BPIFC: variants seen among roughly 807,000 people sequenced by gnomAD.
The protein encoded by BPIFC is BPI fold containing family C, also known as BPI fold-containing family C protein.
A neutral mutation model predicts 57.6 loss-of-function variants in BPIFC; 60 were observed. The observed-to-expected ratio is 1.04, with a 90% CI of 0.85 to 1.29. BPIFC has a LOEUF of 1.29. Ranked by LOEUF, BPIFC falls within the 50% of genes most tolerant of loss-of-function variation. The pLI is 0.00. For synonymous variants in BPIFC, 243 were observed against 224.5 expected (o/e 1.08, Z -0.74); for missense variants, 581 against 600.5 (o/e 0.97, Z 0.34).
intron 14 of BPIFC, among the ~76,000 whole-genome samples, chr22:32,418,343 G>A (rs1933743765): frequency 6.6e-6 from 1 of 152,122 alleles, no homozygotes; most frequent in Non-Finnish European, 1.5e-5. Flanking sequence ...ACACACATAA[G>A]CACAGTCACA....
chr22:32,447,420 A>C, intron 4 of BPIFC, 80 bp from the exon 5 acceptor site: 1 of 1,522,364 alleles, frequency 6.6e-7, no homozygotes, highest in South Asian at 1.3e-5. Flanking sequence ...ACACAGTTGC[A>C]GAGCTCTTAC....
intron 11 of BPIFC, among the ~76,000 whole-genome samples, 169 bp from the exon 12 acceptor site, chr22:32,432,712 T>G (rs1218127557): frequency 6.6e-6 from 1 of 152,214 alleles, no homozygotes; most frequent in Non-Finnish European, 1.5e-5. Flanking sequence ...ATGATAACAG[T>G]TGGCAGTTAC....
intron 15 of BPIFC, 83 bp from the exon 16 acceptor site, chr22:32,416,074 G>A (rs2145906288): frequency 2.9e-6 from 2 of 693,976 alleles, no homozygotes; most frequent in South Asian, 2.2e-5. Flanking sequence ...CTGACTGACA[G>A]CTTGCTTTTT....
At chr22:32,448,754 A>G (rs1435705321) in intron 4 of BPIFC, among the ~76,000 whole-genome samples, 1 of 152,056 alleles carries the variant, frequency 6.6e-6, no homozygotes, top group African/African-American at 2.4e-5. Context: ...CCTGGCCAAC[A>G]TAGTGAAACC....
intron 9 of BPIFC, among the ~76,000 whole-genome samples, 185 bp downstream of exon 9, chr22:32,437,575 G>C (rs906041490): frequency 6.6e-6 from 1 of 152,092 alleles, no homozygotes; most frequent in African/African-American, 2.4e-5. Context: ...GTTTTTAGTA[G>C]AGACGGGGTT....
intron 5 of BPIFC, chr22:32,446,887 G>T: frequency 1.2e-6 from 1 of 820,222 alleles, no homozygotes; most frequent in Non-Finnish European, 1.5e-6. Flanking sequence ...TGAATGGCTG[G>T]CTCAAGATCA....
At chr22:32,457,132 TA>T in intron 3 of BPIFC, 130 bp downstream of exon 3, 1 of 1,063,894 alleles carries the variant, frequency 9.4e-7, no homozygotes, top group Non-Finnish European at 1.3e-6. Flanking sequence ...AGTTTCTGCA[TA>T]AGGTACTGGA....
intron 14 of BPIFC, 95 bp from the exon 15 acceptor site, chr22:32,417,243 A>G (rs1049320769): frequency 4.6e-5 from 40 of 867,046 alleles, no homozygotes; most frequent in Non-Finnish European, 6.9e-5. Flanking sequence ...TAGTGTGATC[A>G]TGGCTCTCTC....
chr22:32,455,196 G>A lies in BPIFC; in HGVS notation c.125-1693C>T, dbSNP rs186041772. ...CTCCCAAGTAGCTGGGACTACAGGC[G>A]CATGCCACAATGCCCAGTTAATTTT... is the stretch of plus-strand genomic sequence containing the variant. On this transcript the variant is annotated intron_variant, in intron 3 of 16. Transcript: ENST00000300399. 5.9e-5 allele frequency among the ~76,000 whole-genome samples: 9 copies of A among 151,820 alleles called. No homozygotes were observed. In the East Asian group the frequency reaches 7.8e-4, roughly 13 times the overall value.
chr22:32,442,435 A>G (rs1426227692), intron 8 of BPIFC, among the ~76,000 whole-genome samples: 1 of 152,130 alleles, frequency 6.6e-6, no homozygotes, highest in Non-Finnish European at 1.5e-5. Flanking sequence ...CTGAACCTAC[A>G]TCTCATCCCC....
intron 14 of BPIFC, among the ~76,000 whole-genome samples, chr22:32,418,150 A>G (rs1933739726): frequency 2.0e-5 from 3 of 152,206 alleles, no homozygotes; most frequent in Admixed American, 1.3e-4. Flanking sequence ...AATGCCTTCT[A>G]TGTGGTCAGT....
intron 4 of BPIFC, among the ~76,000 whole-genome samples, chr22:32,452,552 T>G (rs919448871): frequency 1.3e-5 from 2 of 150,650 alleles, no homozygotes; most frequent in African/African-American, 4.9e-5. Context: ...GGCAGGAGAA[T>G]GGCATGAACC....
At chr22:32,453,355 G>C (rs569627721) in intron 4 of BPIFC, 28 bp downstream of exon 4, 1 of 1,510,570 alleles carries the variant, frequency 6.6e-7, no homozygotes. Flanking sequence ...CTTCTTATAA[G>C]AGGCAAAATG....
chr22:32,434,460 C>T (rs888778270), intron 10 of BPIFC, among the ~76,000 whole-genome samples: 2 of 149,100 alleles, frequency 1.3e-5, no homozygotes, highest in African/African-American at 4.9e-5. Context: ...TATATTACAT[C>T]TATGTGTACA....
chr22:32,419,300 T>C (rs1328354181), intron 14 of BPIFC, 62 bp downstream of exon 14: 2 of 1,502,734 alleles, frequency 1.3e-6, no homozygotes, highest in African/African-American at 2.8e-5. Flanking sequence ...TTCGCTATTA[T>C]ATATAGTAGG....
chr22:32,414,343 T>C lies in BPIFC; in HGVS notation c.1484A>G (p.Asn495Ser). ...CCCCCTCCACTGTCTGCTTATCAGG[T>C]TCAGACCTTCCCATACGTGGAAACT... ...QPSFHVWEGLNLISRQWRGKS... is the reference protein window; with the variant it reads ...QPSFHVWEGLSLISRQWRGKS... Residue 495 changes from asparagine to serine, a missense_variant, in exon 17 of 17, where the codon AAC becomes AGC. By Grantham distance (46) the Asn-to-Ser change is conservative (BLOSUM62 1). Transcript: ENST00000300399. 3.1e-6 allele frequency: 5 copies of C among 1,613,986 alleles called. No homozygotes were observed. The highest frequency in any genetic ancestry group is 4.2e-6 in the Non-Finnish European group (5 of 1,179,868).
chr22:32,428,173 A>T (rs936719098), intron 13 of BPIFC, among the ~76,000 whole-genome samples: 2 of 152,148 alleles, frequency 1.3e-5, no homozygotes, highest in Non-Finnish European at 2.9e-5. Flanking sequence ...TTTTATAACT[A>T]TTTGATATAA....
intron 13 of BPIFC, among the ~76,000 whole-genome samples, chr22:32,430,753 C>G (rs75075530): frequency 6.6e-6 from 1 of 151,644 alleles, no homozygotes; most frequent in Admixed American, 6.6e-5. Flanking sequence ...CAATTCTTCC[C>G]TCTCAGCTTC....
chr22:32,443,209 G>T (rs561951061), intron 7 of BPIFC, among the ~76,000 whole-genome samples: 74 of 151,188 alleles, frequency 4.9e-4, no homozygotes, highest in African/African-American at 1.6e-3. Flanking sequence ...TGTCACCCAG[G>T]CTGGAGTGCA....
Sources: allele counts gnomAD v4.1 joint callset (sites outside exome capture counted in the v4.1 genomes callset), GRCh38; gene constraint gnomAD v4.1.1; transcripts MANE v1.5; gene names NCBI Gene and HGNC (gene_info 2026-07-23, HGNC 2026-07-21).